Variants in BTBD9 observed in about 807,000 individuals in gnomAD.
BTBD9 encodes BTB/POZ domain-containing protein 9.
A neutral mutation model predicts 64.3 loss-of-function variants in BTBD9; 49 were observed. That is an observed-to-expected ratio of 0.76 (90% confidence interval 0.61 to 0.97). The LOEUF is 0.97. Among genes scored for constraint, BTBD9 ranks in the 50% least tolerant of loss-of-function variants. The probability of loss-of-function intolerance (pLI) is 0.00; values close to 1 mark genes in which losing one functional copy is unlikely to be tolerated. For synonymous variants in BTBD9, 260 were observed against 274.7 expected (o/e 0.95, Z 0.53); for missense variants, 598 against 762.1 (o/e 0.78, Z 2.53).
intron 9 of BTBD9, among the ~76,000 whole-genome samples, chr6:38,235,315 A>C (rs949917838): frequency 2.6e-5 from 4 of 152,202 alleles, no homozygotes; most frequent in African/African-American, 9.6e-5. Context: ...GTCTTGAGAG[A>C]AGGTAGTCAA....
chr6:38,514,390 G>A (rs1446885503), intron 6 of BTBD9, among the ~76,000 whole-genome samples: 1 of 152,138 alleles, frequency 6.6e-6, no homozygotes, highest in Non-Finnish European at 1.5e-5. Flanking sequence ...ATAAAGAGCT[G>A]TAATTGTCAA....
chr6:38,281,113 C>G (rs1025522624), intron 8 of BTBD9, among the ~76,000 whole-genome samples: 2 of 152,146 alleles, frequency 1.3e-5, no homozygotes, highest in Non-Finnish European at 2.9e-5. Context: ...TCTACCCACC[C>G]TTATTGACTA....
intron 6 of BTBD9, among the ~76,000 whole-genome samples, chr6:38,496,817 C>G (rs1019897199): frequency 6.6e-6 from 1 of 152,212 alleles, no homozygotes; most frequent in African/African-American, 2.4e-5. Flanking sequence ...CTTTTGCCAG[C>G]TTGCCAAGTA....
At chr6:38,265,842 T>A (rs1764952659) in intron 8 of BTBD9, among the ~76,000 whole-genome samples, 1 of 152,220 alleles carries the variant, frequency 6.6e-6, no homozygotes, top group Non-Finnish European at 1.5e-5. Context: ...TTTTAACAGC[T>A]AACTAAGACC....
chr6:38,621,010 T>C (rs962685775), intron 1 of BTBD9, among the ~76,000 whole-genome samples: 2 of 152,182 alleles, frequency 1.3e-5, no homozygotes, highest in Non-Finnish European at 2.9e-5. Flanking sequence ...GAATAGCTCT[T>C]GGAATCCTTA....
intron 6 of BTBD9, among the ~76,000 whole-genome samples, chr6:38,464,254 A>C (rs1434626845): frequency 6.6e-6 from 1 of 152,136 alleles, no homozygotes; most frequent in Non-Finnish European, 1.5e-5. Context: ...GTGAGAAAAT[A>C]AATTTCTGTT....
chr6:38,598,309 C>G (rs1352912594), intron 1 of BTBD9, among the ~76,000 whole-genome samples, 188 bp from the exon 2 acceptor site: 1 of 152,156 alleles, frequency 6.6e-6, no homozygotes, highest in Non-Finnish European at 1.5e-5. Flanking sequence ...CTTAACTGTA[C>G]TCCCTTCATC....
At chr6:38,603,178 G>A (rs1376673708) in intron 1 of BTBD9, among the ~76,000 whole-genome samples, 1 of 152,164 alleles carries the variant, frequency 6.6e-6, no homozygotes, top group African/African-American at 2.4e-5. Context: ...GAATGGACAG[G>A]AATATCTCAA....
chr6:38,210,541 TG>T (rs1762797793), intron 9 of BTBD9, among the ~76,000 whole-genome samples: 1 of 19,802 alleles, frequency 5.0e-5, no homozygotes, highest in Non-Finnish European at 1.5e-4. Flanking sequence ...TGTGTTTGTG[TG>T]TGTGTGTGTG....
chr6:38,526,868 G>A (rs1773519400), intron 6 of BTBD9, among the ~76,000 whole-genome samples: 1 of 152,214 alleles, frequency 6.6e-6, no homozygotes, highest in Non-Finnish European at 1.5e-5. Context: ...ATGGGCAGAA[G>A]GGGCTTGCCC....
chr6:38,501,191 G>T (rs776024612), intron 6 of BTBD9, among the ~76,000 whole-genome samples: 4 of 152,062 alleles, frequency 2.6e-5, no homozygotes, highest in Admixed American at 2.0e-4. Context: ...AACACCTGAC[G>T]CGAGTGTTAG....
At chr6:38,285,156 G>A (rs780143844) in intron 8 of BTBD9, among the ~76,000 whole-genome samples, 18 of 152,170 alleles carry the variant, frequency 1.2e-4, no homozygotes, top group African/African-American at 3.1e-4. Context: ...TGGGAGGGAC[G>A]GTTGTGGGTG....
At chr6:38,631,323 G>A (rs1047378321) in intron 1 of BTBD9, among the ~76,000 whole-genome samples, 6 of 152,162 alleles carry the variant, frequency 3.9e-5, no homozygotes, top group Non-Finnish European at 5.9e-5. Flanking sequence ...CTGAAGAAAT[G>A]GCTTCACGGG....
chr6:38,466,544 C>T (rs899064966), intron 6 of BTBD9, among the ~76,000 whole-genome samples: 14 of 152,068 alleles, frequency 9.2e-5, no homozygotes, highest in Admixed American at 2.0e-4. Context: ...CTGCCCTCCT[C>T]GGCCTCCCAA....
intron 6 of BTBD9, among the ~76,000 whole-genome samples, chr6:38,371,872 A>G (rs139007224): frequency 6.6e-6 from 1 of 152,310 alleles, no homozygotes; most frequent in African/African-American, 2.4e-5. Context: ...AAATTTTTAA[A>G]TTCTTGTACC....
chr6:38,479,641 T>C (rs1292410411), intron 6 of BTBD9, among the ~76,000 whole-genome samples: 2 of 152,256 alleles, frequency 1.3e-5, no homozygotes, highest in Non-Finnish European at 2.9e-5. Context: ...TTGGTATTAC[T>C]ACTGCTCAAT....
At chr6:38,258,223 T>G (rs1764668090) in intron 8 of BTBD9, among the ~76,000 whole-genome samples, 1 of 151,940 alleles carries the variant, frequency 6.6e-6, no homozygotes, top group Non-Finnish European at 1.5e-5. Context: ...TGACCTCAGG[T>G]GATCCACCTG....
chr6:38,580,395 A>C lies in BTBD9; in HGVS notation c.857T>G (p.Val286Gly), dbSNP rs780249148. ...NIATMKYGAQ[V>G]VKGELKSALL... is the part of the protein sequence containing the mutation. ...GGCTGATTTCAGCTCCCCCTTTACAACTTGGGCTCCATACTTCATAGTTGC... is the reference window on the plus strand; with the variant it reads ...GGCTGATTTCAGCTCCCCCTTTACACCTTGGGCTCCATACTTCATAGTTGC... Residue 286 changes from valine to glycine, a missense_variant, in exon 5 of 11, where the codon GTT becomes GGT. Coordinates refer to ENST00000481247, the MANE Select transcript of BTBD9 (RefSeq NM_001099272.2). The C allele has an allele frequency of 6.2e-7, 1 of 1,614,196 alleles. No individual in the cohort carries two copies. The highest frequency in any genetic ancestry group is 2.2e-5 in the East Asian group (1 of 44,886).
At chr6:38,376,303 T>C (rs1765695304) in intron 6 of BTBD9, among the ~76,000 whole-genome samples, 1 of 152,188 alleles carries the variant, frequency 6.6e-6, no homozygotes, top group Non-Finnish European at 1.5e-5. Context: ...ACCTGCTCGC[T>C]ACAAATAATG....
Sources: allele counts gnomAD v4.1 joint callset (sites outside exome capture counted in the v4.1 genomes callset), GRCh38; gene constraint gnomAD v4.1.1; transcripts MANE v1.5; gene names NCBI Gene and HGNC (gene_info 2026-07-23, HGNC 2026-07-21).